PIGU: variants seen among roughly 807,000 people sequenced by gnomAD.
PIGU encodes the protein phosphatidylinositol glycan anchor biosynthesis class U, also known as GPI-anchor transamidase component PIGU.
PIGU carries 24 observed loss-of-function variants against 49.9 expected under a neutral mutation model. That is an observed-to-expected ratio of 0.48 (90% CI 0.35 to 0.68). PIGU has a LOEUF of 0.68. PIGU is among the 30% of genes least tolerant of loss of function. The pLI, the probability that PIGU is intolerant of heterozygous loss-of-function variation, is 0.01. For synonymous variants in PIGU, 220 were observed against 205.7 expected (o/e 1.07, Z -0.59); for missense variants, 490 against 532.6 (o/e 0.92, Z 0.79).
intron 6 of PIGU, among the ~76,000 whole-genome samples, chr20:34,632,807 T>C (rs1985829581): frequency 6.6e-6 from 1 of 151,966 alleles, no homozygotes; most frequent in African/African-American, 2.4e-5. Context: ...GACAGCTTTA[T>C]ACCAGGCCCA....
chr20:34,627,469 CA>C (rs576625704), intron 6 of PIGU, among the ~76,000 whole-genome samples: 6 of 142,196 alleles, frequency 4.2e-5, no homozygotes, highest in South Asian at 2.2e-4. Context: ...CTCTGTGGAA[CA>C]AAAAAAAAAC....
intron 11 of PIGU, among the ~76,000 whole-genome samples, chr20:34,570,371 G>A (rs1982953534): frequency 6.6e-6 from 1 of 152,046 alleles, no homozygotes; most frequent in South Asian, 2.1e-4. Context: ...GATCACGTGG[G>A]GCCAGCCCCT....
intron 6 of PIGU, among the ~76,000 whole-genome samples, chr20:34,620,703 C>T (rs1046870689): frequency 4.7e-5 from 7 of 149,214 alleles, no homozygotes; most frequent in African/African-American, 1.5e-4. Context: ...CCCAGCTACT[C>T]GGGAGGCTGA....
At chr20:34,673,253 C>CA (rs71282179) in intron 1 of PIGU, among the ~76,000 whole-genome samples, 41,253 of 88,508 alleles carry the variant, frequency 0.47, 8,247 homozygotes, top group Admixed American at 0.59. Flanking sequence ...GACTCCGTCT[C>CA]AAAAAAAAAA....
At chr20:34,605,895 C>G (rs971820566) in intron 7 of PIGU, among the ~76,000 whole-genome samples, 2 of 152,150 alleles carry the variant, frequency 1.3e-5, no homozygotes, top group Non-Finnish European at 2.9e-5. Flanking sequence ...CAAAACACTT[C>G]TGCACACAGT....
chr20:34,640,858 T>C (rs1313175390), intron 4 of PIGU, among the ~76,000 whole-genome samples: 1 of 152,164 alleles, frequency 6.6e-6, no homozygotes, highest in East Asian at 1.9e-4. Flanking sequence ...CCTTGAAAGA[T>C]AGGTTTTGCC....
intron 2 of PIGU, among the ~76,000 whole-genome samples, chr20:34,650,084 G>A (rs777799790): frequency 1.1e-4 from 17 of 151,502 alleles, no homozygotes; most frequent in Non-Finnish European, 2.2e-4. Flanking sequence ...TCTTGACCTC[G>A]TGATCCGCCC....
In PIGU at chr20:34,565,856, A is replaced by T. The variant is rs60423815; in HGVS notation, c.1195-4877T>A. On this transcript the variant is annotated intron_variant, in intron 11 of 11. Transcript: ENST00000217446. ...CACTCACACACAGGTGCACACACAC[A>T]GGTGCACACATACACGCATGCTTGC... Among the ~76,000 whole-genome samples the T allele has an allele frequency of 5.8e-3, 883 of 151,018 alleles. 7 individuals are homozygous for T. Among genetic ancestry groups the T allele is most frequent in the African/African-American group, 0.02 (840 of 41,052 alleles).
chr20:34,662,658 T>C (rs555125146), intron 1 of PIGU, among the ~76,000 whole-genome samples: 2 of 152,288 alleles, frequency 1.3e-5, no homozygotes, highest in South Asian at 2.1e-4. Flanking sequence ...CTTTTCAAAA[T>C]TGCACATTTT....
chr20:34,670,998 A>G (rs150043345), intron 1 of PIGU, among the ~76,000 whole-genome samples: 2 of 152,248 alleles, frequency 1.3e-5, no homozygotes, highest in African/African-American at 4.8e-5. Flanking sequence ...AGTTTCTAAC[A>G]TTATTCCTGA....
At position 34,560,943 on chromosome 20, in the gene PIGU, G is replaced by T. The variant is rs757521315; in HGVS notation, c.1231C>A (p.Arg411=). Residue 411 remains arginine, a synonymous_variant, in exon 12 of 12, where the codon CGG becomes AGG. Transcript: ENST00000217446. ...LISDYFYAFL[R]REYYLTHGLY... ...CCATGTGTGAGGTAGTACTCCCGCC[G>T]CAGGAAGGCATAGAAGTAATCAGAG... 2.5e-6 allele frequency: 4 copies of T among 1,612,474 alleles called. No individual in the cohort carries two copies. Among genetic ancestry groups the T allele is most frequent in the Middle Eastern group, 1.6e-4 (1 of 6,080 alleles).
At chr20:34,638,429 T>G (rs1334950773) in intron 4 of PIGU, among the ~76,000 whole-genome samples, 1 of 152,218 alleles carries the variant, frequency 6.6e-6, no homozygotes, top group East Asian at 1.9e-4. Flanking sequence ...GACTAAGAGT[T>G]CCATGAGGGC....
At chr20:34,589,658 T>C (rs1747402234) in intron 7 of PIGU, among the ~76,000 whole-genome samples, 1 of 144,218 alleles carries the variant, frequency 6.9e-6, no homozygotes, top group African/African-American at 2.6e-5. Context: ...GCTTTTTTTT[T>C]TTTTTTTTTT....
intron 7 of PIGU, among the ~76,000 whole-genome samples, chr20:34,610,857 G>C (rs553411035): frequency 6.6e-6 from 1 of 152,244 alleles, no homozygotes; most frequent in Non-Finnish European, 1.5e-5. Context: ...CCAAAACAGA[G>C]ATATAGACCA....
intron 6 of PIGU, among the ~76,000 whole-genome samples, chr20:34,626,938 T>C (rs1255776919): frequency 2.6e-5 from 4 of 152,018 alleles, no homozygotes; most frequent in African/African-American, 7.2e-5. Context: ...ATTAATATTA[T>C]GTGGTAAAAT....
At position 34,648,251 on chromosome 20, in the gene PIGU, CAAAA is replaced by C. The variant is rs34170509; in HGVS notation, c.196-2921_196-2918del. On this transcript the variant is annotated intron_variant, in intron 2 of 11. Coordinates refer to ENST00000217446, the MANE Select transcript of PIGU (RefSeq NM_080476.5). The stretch of plus-strand genomic sequence containing the variant: ...TGGGCAACAAAGTGAGACCCTGTCT[CAAAA>C]AAAAAAAAAAAAAAAAAATCCCCCA... Among the ~76,000 whole-genome samples, 164 of 88,838 alleles carry C rather than the reference CAAAA, an allele frequency of 1.8e-3. 1 individual carries two copies. The highest frequency in any genetic ancestry group is 6.4e-3 in the African/African-American group (156 of 24,276). The allele number at this position is 88,838 out of a possible 152,430, so 58.3% of individuals were successfully genotyped here.
intron 1 of PIGU, among the ~76,000 whole-genome samples, chr20:34,673,295 A>G (rs111237580): frequency 0.021 from 3,179 of 151,722 alleles, 85 homozygotes; most frequent in African/African-American, 0.073. Flanking sequence ...ATGTGAAACC[A>G]GAAGGAGTCC....
intron 5 of PIGU, among the ~76,000 whole-genome samples, chr20:34,637,494 C>A (rs555668821): frequency 6.6e-6 from 1 of 152,300 alleles, no homozygotes; most frequent in Non-Finnish European, 1.5e-5. Context: ...GAGGACTATA[C>A]TGTACACGAA....
At chr20:34,654,263 G>A (rs555945436) in intron 2 of PIGU, among the ~76,000 whole-genome samples, 2 of 110,636 alleles carry the variant, frequency 1.8e-5, no homozygotes, top group South Asian at 5.3e-4. Flanking sequence ...AGGAGTTCGA[G>A]AGCAGCCTGG....
Sources: allele counts gnomAD v4.1 joint callset (sites outside exome capture counted in the v4.1 genomes callset), GRCh38; gene constraint gnomAD v4.1.1; transcripts MANE v1.5; gene names NCBI Gene and HGNC (gene_info 2026-07-23, HGNC 2026-07-21).